The following PLCB1 variants were observed in gnomAD, a reference collection of about 807,000 sequenced individuals.
The protein encoded by PLCB1 is phospholipase C beta 1, also known as 1-phosphatidylinositol 4,5-bisphosphate phosphodiesterase beta-1.
In PLCB1, 46 loss-of-function variants were observed where a neutral mutation model predicts 161.8. That is an observed-to-expected ratio of 0.28 (90% CI 0.22 to 0.36). PLCB1 has a LOEUF of 0.36. PLCB1 is among the 10% of genes least tolerant of loss of function. PLCB1 has a pLI of 1.00. For missense variants in PLCB1, 1,016 were observed against 1,472.5 expected, an observed-to-expected ratio of 0.69 and a Z score of 5.07; for synonymous variants, 517 against 503.7, an observed-to-expected ratio of 1.03 and a Z score of -0.35.
intron 2 of PLCB1, among the ~76,000 whole-genome samples, chr20:8,254,980 C>T (rs563355885): frequency 4.3e-4 from 66 of 152,096 alleles, no homozygotes; most frequent in South Asian, 3.7e-3. Flanking sequence ...ACTTGTTAAT[C>T]GTTGTCATTA....
intron 2 of PLCB1, among the ~76,000 whole-genome samples, chr20:8,314,867 A>G (rs1984564678): frequency 6.6e-6 from 1 of 152,140 alleles, no homozygotes; most frequent in South Asian, 2.1e-4. Flanking sequence ...AACAACTTTG[A>G]GCAATGATTT....
chr20:8,628,567 C>A, intron 4 of PLCB1, 136 bp downstream of exon 4: 1 of 800,854 alleles, frequency 1.2e-6, no homozygotes, highest in Non-Finnish European at 2.0e-6. Flanking sequence ...ATTCAGCTGC[C>A]AAGTATAAGT....
At chr20:8,340,997 G>C (rs1985788487) in intron 2 of PLCB1, among the ~76,000 whole-genome samples, 1 of 152,164 alleles carries the variant, frequency 6.6e-6, no homozygotes, top group Non-Finnish European at 1.5e-5. Context: ...CCATGAACCA[G>C]TACAGCTCTT....
At chr20:8,651,831 G>A (rs1395891093) in intron 7 of PLCB1, 3 of 255,468 alleles carry the variant, frequency 1.2e-5, no homozygotes, top group Middle Eastern at 1.2e-3. Context: ...AATCCCTGAG[G>A]CTGGAAATAA....
At position 8,132,728 on chromosome 20, in the gene PLCB1, C is replaced by A. The variant is rs1465720337; in HGVS notation, c.77C>A (p.Thr26Asn). The A allele has an allele frequency of 1.9e-6, 3 of 1,612,256 alleles. No individual in the cohort carries two copies. The highest frequency in any genetic ancestry group is 1.6e-4 in the Middle Eastern group (1 of 6,072). The change falls in exon 1 of 32, where the codon ACC (threonine) becomes AAC (asparagine). Residue 26 changes from threonine to asparagine, a missense_variant. Thr to Asn is a moderately conservative substitution (Grantham distance 65). Transcript: ENST00000338037. The surrounding 1 kb of genome is among the most constrained non-coding windows in gnomAD (Gnocchi z 5.2). ...GTGTCCGACAGCCTCAAGAAGGGCA[C>A]CAAATTCGTCAAGTGGGATGATGTA... Reference protein sequence around the residue: ...VCVSDSLKKGTKFVKWDDDST... With the variant: ...VCVSDSLKKGNKFVKWDDDST...
chr20:8,539,646 TTC>T (rs1985211023), intron 3 of PLCB1, among the ~76,000 whole-genome samples: 2 of 91,370 alleles, frequency 2.2e-5, no homozygotes, highest in South Asian at 8.3e-4. Flanking sequence ...CTTTCTTTCT[TTC>T]TTTCTTTCTT....
chr20:8,440,435 G>T (rs1243919946), intron 3 of PLCB1, among the ~76,000 whole-genome samples: 3 of 152,148 alleles, frequency 2.0e-5, no homozygotes, highest in Non-Finnish European at 4.4e-5. Context: ...AGGGAAGCAG[G>T]TCAAATGGGT....
At chr20:8,515,907 A>C (rs189020303) in intron 3 of PLCB1, among the ~76,000 whole-genome samples, 1 of 152,316 alleles carries the variant, frequency 6.6e-6, no homozygotes, top group Admixed American at 6.5e-5. Context: ...AGAATGGGTA[A>C]TTTATAAAGG....
At chr20:8,435,031 C>T (rs1980235522) in intron 3 of PLCB1, among the ~76,000 whole-genome samples, 1 of 152,104 alleles carries the variant, frequency 6.6e-6, no homozygotes, top group Non-Finnish European at 1.5e-5. Flanking sequence ...AGCTGTAGTC[C>T]ATGGTGTATA....
chr20:8,601,151 A>G (rs1399691750), intron 3 of PLCB1, among the ~76,000 whole-genome samples: 1 of 152,200 alleles, frequency 6.6e-6, no homozygotes, highest in Non-Finnish European at 1.5e-5. Flanking sequence ...TATAAGGAGC[A>G]AAAGAAGACT....
intron 2 of PLCB1, among the ~76,000 whole-genome samples, chr20:8,313,614 A>G (rs1470582771): frequency 2.6e-5 from 4 of 152,196 alleles, no homozygotes; most frequent in Admixed American, 2.6e-4. Flanking sequence ...ATACAAGAAT[A>G]TACATACATA....
chr20:8,679,748 G>A (rs1990170339), intron 9 of PLCB1, among the ~76,000 whole-genome samples: 1 of 152,074 alleles, frequency 6.6e-6, no homozygotes, highest in African/African-American at 2.4e-5. Context: ...CATGTCCAAT[G>A]GCATACTGAT....
intron 3 of PLCB1, among the ~76,000 whole-genome samples, chr20:8,558,092 T>A (rs910308659): frequency 1.3e-5 from 2 of 151,626 alleles, no homozygotes; most frequent in African/African-American, 4.8e-5. Flanking sequence ...ATGAATAAGA[T>A]CTAGTATATG....
intron 31 of PLCB1, among the ~76,000 whole-genome samples, chr20:8,879,594 C>T (rs987685453): frequency 2.0e-5 from 3 of 148,682 alleles, no homozygotes; most frequent in Non-Finnish European, 3.0e-5. Flanking sequence ...CACAAATTTG[C>T]CAGAAAAAGA....
At chr20:8,565,556 TA>T (rs959313795) in intron 3 of PLCB1, among the ~76,000 whole-genome samples, 1 of 151,038 alleles carries the variant, frequency 6.6e-6, no homozygotes, top group Non-Finnish European at 1.5e-5. Context: ...TAAAGTATAA[TA>T]AAAAATAAAA....
intron 3 of PLCB1, among the ~76,000 whole-genome samples, chr20:8,519,895 G>A (rs967763973): frequency 6.6e-6 from 1 of 152,152 alleles, no homozygotes; most frequent in Non-Finnish European, 1.5e-5. Flanking sequence ...AATGTGCAAA[G>A]GGAGATGATA....
At chr20:8,566,609 G>C (rs1986343377) in intron 3 of PLCB1, among the ~76,000 whole-genome samples, 1 of 152,094 alleles carries the variant, frequency 6.6e-6, no homozygotes, top group Admixed American at 6.6e-5. Context: ...TGCTTGGTTG[G>C]TAATCATAGC....
intron 3 of PLCB1, among the ~76,000 whole-genome samples, chr20:8,439,077 G>A (rs1232749): frequency 0.51 from 76,991 of 152,028 alleles, 19,943 homozygotes; most frequent in African/African-American, 0.59. Context: ...TCTACATTGT[G>A]AAGTTCTTTA....
At chr20:8,361,326 A>C (rs1986534781) in intron 2 of PLCB1, among the ~76,000 whole-genome samples, 1 of 151,972 alleles carries the variant, frequency 6.6e-6, no homozygotes, top group African/African-American at 2.4e-5. Context: ...GGATGTAGGA[A>C]GCCTGTCCAA....
Sources: gnomAD v4.1 joint callset for allele counts (sites outside exome capture counted in the v4.1 genomes callset) on GRCh38, gnomAD v4.1.1 for gene constraint, Gnocchi (gnomAD v3.1) non-coding constraint, MANE v1.5 for transcripts, NCBI Gene and HGNC (gene_info 2026-07-23, HGNC 2026-07-21) for gene names.